Variants in LRMDA observed in about 807,000 individuals in gnomAD.
LRMDA encodes the protein leucine rich melanocyte differentiation associated, also known as leucine-rich melanocyte differentiation-associated protein.
Under a neutral mutation model 29.8 loss-of-function variants are expected in LRMDA, and 18 were observed. That is an observed-to-expected ratio of 0.60 (90% confidence interval 0.42 to 0.90). The LOEUF (loss-of-function observed/expected upper bound fraction) is 0.90, where lower values mean the gene tolerates loss of function less well. Among genes scored for constraint, LRMDA ranks in the 40% least tolerant of loss-of-function variants. The pLI is 0.00. For synonymous variants in LRMDA, 125 were observed against 109.4 expected (o/e 1.14, Z -0.89); for missense variants, 273 against 273.9 (o/e 1.00, Z 0.02).
At chr10:76,104,274 C>T (rs77282694) in intron 5 of LRMDA, among the ~76,000 whole-genome samples, 1,525 of 152,220 alleles carry the variant, frequency 0.01, 55 homozygotes, top group East Asian at 0.098. Context: ...GTGTGGCCTA[C>T]TCCCTATTTG....
In LRMDA at chr10:76,295,226, T is replaced by G. The variant is rs550989913; in HGVS notation, c.517-29175T>G. On this transcript the variant is annotated intron_variant, in intron 5 of 6. Coordinates refer to ENST00000611255, the MANE Select transcript of LRMDA (RefSeq NM_001305581.2). ...AAGGATCTTATTAAACAAAATGATA[T>G]TCTTCCTTACAAAGATGTGGGTGCT... Among the ~76,000 whole-genome samples the G allele has an allele frequency of 7.2e-5, 11 of 152,322 alleles. No individual in the cohort carries two copies. The East Asian group carries it at 2.1e-3, about 29-fold the overall frequency.
At chr10:75,643,101 A>G (rs1271146804) in intron 2 of LRMDA, 2 of 152,098 alleles carry the variant, frequency 1.3e-5, no homozygotes, top group African/African-American at 2.4e-5. Flanking sequence ...AAACATTAAA[A>G]AAAAATTTTT....
chr10:75,576,877 C>T (rs183967412), intron 2 of LRMDA, among the ~76,000 whole-genome samples: 10 of 152,114 alleles, frequency 6.6e-5, no homozygotes, highest in Admixed American at 1.3e-4. Flanking sequence ...AGACCCCAGC[C>T]GAAGGTCACC....
chr10:76,232,453 T>C (rs1286057455), intron 5 of LRMDA, among the ~76,000 whole-genome samples: 1 of 152,182 alleles, frequency 6.6e-6, no homozygotes, highest in African/African-American at 2.4e-5. Context: ...ACCCTCTTCA[T>C]AGGGGAGAAG....
chr10:75,915,199 G>A (rs867489416), intron 2 of LRMDA, among the ~76,000 whole-genome samples: 4 of 128,286 alleles, frequency 3.1e-5, no homozygotes, highest in South Asian at 2.5e-4. Context: ...TGGCATGATC[G>A]TGATCTCAGC....
chr10:76,556,494 G>A (rs1048045980), intron 6 of LRMDA: 1 of 152,162 alleles, frequency 6.6e-6, no homozygotes, highest in Admixed American at 6.6e-5. Context: ...TGGGACTACA[G>A]GCACCTGCCA....
At chr10:75,698,989 T>C (rs1589162715) in intron 2 of LRMDA, among the ~76,000 whole-genome samples, 1 of 152,038 alleles carries the variant, frequency 6.6e-6, no homozygotes, top group Non-Finnish European at 1.5e-5. Flanking sequence ...TCACCTGAGG[T>C]CAGGAGCTCG....
chr10:75,515,908 A>G (rs577274334), intron 2 of LRMDA, among the ~76,000 whole-genome samples: 1 of 151,866 alleles, frequency 6.6e-6, no homozygotes, highest in African/African-American at 2.4e-5. Flanking sequence ...CCTGTGTCCA[A>G]GTGTTCTCAG....
At chr10:76,403,578 A>AT (rs1156622267) in intron 6 of LRMDA, among the ~76,000 whole-genome samples, 1 of 152,040 alleles carries the variant, frequency 6.6e-6, no homozygotes, top group Non-Finnish European at 1.5e-5. Flanking sequence ...TAATTTTGTT[A>AT]TTTTTTCCTT....
chr10:76,536,421 C>T (rs1843291741), intron 6 of LRMDA, among the ~76,000 whole-genome samples: 1 of 152,038 alleles, frequency 6.6e-6, no homozygotes. Context: ...CCGGCAGTGT[C>T]ACATCACTGG....
At chr10:75,937,672 A>T (rs1162037538) in intron 2 of LRMDA, among the ~76,000 whole-genome samples, 1 of 152,194 alleles carries the variant, frequency 6.6e-6, no homozygotes, top group East Asian at 1.9e-4. Flanking sequence ...GGTATTTGAG[A>T]TAATCTTGAA....
intron 5 of LRMDA, among the ~76,000 whole-genome samples, chr10:76,214,900 G>A (rs11001693): frequency 0.061 from 9,212 of 152,244 alleles, 320 homozygotes; most frequent in South Asian, 0.087. Context: ...TGAAGTGCTG[G>A]GAACAGCAGA....
At chr10:76,088,667 T>C (rs1429733026) in intron 5 of LRMDA, among the ~76,000 whole-genome samples, 1 of 152,220 alleles carries the variant, frequency 6.6e-6, no homozygotes, top group Non-Finnish European at 1.5e-5. Context: ...TTGTTGTTGG[T>C]GGGTTTACTT....
rs368000414 is a variant in LRMDA, at chr10:76,362,683, A to G, written c.601+38198A>G. On this transcript the variant is annotated intron_variant, in intron 6 of 6. Transcript: ENST00000611255. ...CATTGCACCCAAAGGTTAATTTTTC[A>G]ACCCTTACCCTCCTTCCACCCTCCC... Among the ~76,000 whole-genome samples, 4 of 152,266 alleles carry G rather than the reference A, an allele frequency of 2.6e-5. No individual in the cohort carries two copies. The East Asian group carries it at 7.7e-4, about 29-fold the overall frequency.
intron 6 of LRMDA, among the ~76,000 whole-genome samples, chr10:76,364,928 A>G (rs1392670749): frequency 6.6e-6 from 1 of 151,550 alleles, no homozygotes; most frequent in African/African-American, 2.4e-5. Flanking sequence ...TAGCTCCCGT[A>G]TATCAGTGAG....
At chr10:76,109,251 G>A (rs947594046) in intron 5 of LRMDA, among the ~76,000 whole-genome samples, 4 of 152,164 alleles carry the variant, frequency 2.6e-5, no homozygotes, top group African/African-American at 4.8e-5. Flanking sequence ...GACCTTAATA[G>A]CATTAGTGAC....
At chr10:75,633,864 G>A (rs1841357941) in intron 2 of LRMDA, among the ~76,000 whole-genome samples, 2 of 152,192 alleles carry the variant, frequency 1.3e-5, no homozygotes, top group African/African-American at 4.8e-5. Flanking sequence ...GAATATGGGT[G>A]AGAAAGCAAG....
intron 5 of LRMDA, among the ~76,000 whole-genome samples, chr10:76,281,798 G>T (rs532536008): frequency 1.3e-5 from 2 of 152,280 alleles, no homozygotes; most frequent in African/African-American, 4.8e-5. Flanking sequence ...CTCAAAGAGA[G>T]AAAGCATCCT....
chr10:76,176,592 G>A (rs1042520616), intron 5 of LRMDA, among the ~76,000 whole-genome samples: 43 of 152,282 alleles, frequency 2.8e-4, no homozygotes, highest in Admixed American at 2.1e-3. Flanking sequence ...TCAGGAGTTC[G>A]AGACCGGCCT....
Sources: allele counts gnomAD v4.1 joint callset (sites outside exome capture counted in the v4.1 genomes callset), GRCh38; gene constraint gnomAD v4.1.1; transcripts MANE v1.5; gene names NCBI Gene and HGNC (gene_info 2026-07-23, HGNC 2026-07-21).